The following XRN1 variants were observed in gnomAD, a reference collection of about 807,000 sequenced individuals.
XRN1 encodes the protein 5'-3' exoribonuclease 1.
In XRN1, 67 loss-of-function variants were observed where a neutral mutation model predicts 222.3. The ratio of observed to expected loss-of-function variants is 0.30; its 90% CI spans 0.25 to 0.37. The LOEUF (loss-of-function observed/expected upper bound fraction) is 0.37, where lower values mean the gene tolerates loss of function less well. Ranked by LOEUF, XRN1 falls within the 10% of genes least tolerant of loss-of-function variation. The pLI, the probability that XRN1 is intolerant of heterozygous loss-of-function variation, is 1.00. For synonymous variants in XRN1, 643 were observed against 652.4 expected (o/e 0.99, Z 0.22); for missense variants, 1,707 against 2,000.2 (o/e 0.85, Z 2.80).
intron 1 of XRN1, among the ~76,000 whole-genome samples, chr3:142,442,139 A>C (rs1424149472): frequency 6.6e-6 from 1 of 152,238 alleles, no homozygotes; most frequent in African/African-American, 2.4e-5. Context: ...TACAGACTCT[A>C]AATATGCTTA....
At chr3:142,318,543 TA>T in intron 39 of XRN1, 48 bp downstream of exon 39, 1 of 1,476,666 alleles carries the variant, frequency 6.8e-7, no homozygotes, top group Non-Finnish European at 9.3e-7. Context: ...AAGAGCTTAG[TA>T]AAAATAACAA....
chr3:142,351,803 T>C (rs1197114965), intron 32 of XRN1, among the ~76,000 whole-genome samples: 1 of 151,718 alleles, frequency 6.6e-6, no homozygotes, highest in Non-Finnish European at 1.5e-5. Context: ...TGCAACTTTC[T>C]AGGACAGATA....
rs1304873784 is a variant in XRN1 at position 142,422,740 on chromosome 3, G to A, written c.809C>T (p.Thr270Ile). ...YEFSVLKEKI[T>I]FKYDIERIID... is the part of the protein sequence containing the mutation. ...TATCCTTTCAATATCATATTTAAAT[G>A]TGATCTTTTCCTACAGTAAAATAGA... Residue 270 changes from threonine (T) to isoleucine (I), a missense_variant, in exon 8 of 41, where the codon ACA becomes ATA. By Grantham distance (89) the Thr-to-Ile change is moderately conservative. This residue lies in a region of XRN1 where 1,234 missense variants were observed against 1,518.2 expected (regional missense o/e 0.81). Coordinates refer to ENST00000392981, the MANE Select transcript of XRN1 (RefSeq NM_001282857.2). The A allele has an allele frequency of 6.2e-7, 1 of 1,609,566 alleles. No homozygotes were observed.
chr3:142,378,423 T>A (rs1012547783), intron 23 of XRN1, among the ~76,000 whole-genome samples: 1 of 152,172 alleles, frequency 6.6e-6, no homozygotes, highest in Non-Finnish European at 1.5e-5. Context: ...AATCCTAGAA[T>A]TATCTTCAGA....
intron 27 of XRN1, among the ~76,000 whole-genome samples, chr3:142,367,670 C>T (rs372349275): frequency 8.3e-4 from 126 of 151,986 alleles, no homozygotes; most frequent in African/African-American, 2.8e-3. Context: ...CTTGGCCTCC[C>T]GAGTAGCCAG....
intron 39 of XRN1, chr3:142,313,008 A>C (rs2065117749): frequency 3.6e-6 from 4 of 1,097,934 alleles, no homozygotes; most frequent in South Asian, 1.6e-5. Flanking sequence ...ACTACTACTA[A>C]TATCATATGC....
chr3:142,388,150 T>C (rs1295127203), intron 20 of XRN1, among the ~76,000 whole-genome samples: 2 of 152,306 alleles, frequency 1.3e-5, no homozygotes, highest in Middle Eastern at 6.8e-3. Context: ...TCCACTTACA[T>C]GCAGATTTTC....
chr3:142,355,369 A>ATTAATTGTCCATCAAAACAAG, intron 32 of XRN1, 32 bp downstream of exon 32: 1 of 1,211,930 alleles, frequency 8.3e-7, no homozygotes, highest in Admixed American at 2.6e-5. Context: ...TTTTCTTTAA[A>ATTAATTGTCCATCAAAACAAG]TTAATTGTCC....
intron 37 of XRN1, among the ~76,000 whole-genome samples, chr3:142,321,406 C>A (rs988410138): frequency 2.0e-5 from 3 of 152,182 alleles, no homozygotes; most frequent in Non-Finnish European, 4.4e-5. Flanking sequence ...CAGGCATGAG[C>A]CATTGCGCCC....
chr3:142,404,845 C>A, intron 16 of XRN1, 62 bp downstream of exon 16: 1 of 1,541,920 alleles, frequency 6.5e-7, no homozygotes, highest in African/African-American at 1.4e-5. Context: ...CCCTTCACCA[C>A]TTCTCGCACC....
Position 142,380,114 on chromosome 3 carries a change from G to T in XRN1, c.2683C>A (p.Pro895Thr). ...TTCTGTATTAAAGCATCAAGATTGG[G>T]TTCACATGGAATGCTGAAAATCACA... ...IRVIFSIPCEPNLDALIQNQH... is the reference protein window; with the variant it reads ...IRVIFSIPCETNLDALIQNQH... Residue 895 changes from proline to threonine, a missense_variant, in exon 23 of 41, where the codon CCC (proline) becomes ACC (threonine). Physicochemically the swap from Pro to Thr is conservative, Grantham distance 38. Around this residue, in one of 2 missense-constraint regions of XRN1, gnomAD observed 1,234 missense variants for 1,518.2 expected, o/e 0.81. Transcript: ENST00000392981. 1.2e-6 allele frequency: 2 copies of T among 1,613,832 alleles called. No homozygotes were observed. Among genetic ancestry groups the T allele is most frequent in the Non-Finnish European group, 1.7e-6 (2 of 1,179,900 alleles).
intron 29 of XRN1, among the ~76,000 whole-genome samples, chr3:142,360,338 T>C (rs1212087692): frequency 6.6e-6 from 1 of 152,186 alleles, no homozygotes. Flanking sequence ...TTTGTGAGAT[T>C]CACCCACGTA....
intron 30 of XRN1, among the ~76,000 whole-genome samples, chr3:142,357,839 C>T (rs1036068740): frequency 6.6e-6 from 1 of 152,034 alleles, no homozygotes; most frequent in Non-Finnish European, 1.5e-5. Context: ...AGTTCAAGAC[C>T]AGCCTGGCAA....
intron 22 of XRN1, among the ~76,000 whole-genome samples, chr3:142,381,708 A>G (rs577898247): frequency 1.3e-5 from 2 of 151,950 alleles, no homozygotes; most frequent in Admixed American, 1.3e-4. Context: ...CTGAGATTAC[A>G]TGCATATGCC....
Position 142,404,822 on chromosome 3 carries a change from T to C in XRN1, c.1883+85A>G, listed in dbSNP as rs547020269. On this transcript the variant is annotated intron_variant, in intron 16 of 40. Transcript: ENST00000392981. ...ACTATTTGCTAATTCTCCAAACAGA[T>C]ATTCAAAGCTCCCCCTTCACCACTT... 6 of 1,281,946 alleles carry C rather than the reference T, an allele frequency of 4.7e-6. No homozygotes were observed. The East Asian group carries it at 1.2e-4, about 25-fold the overall frequency. The allele number at this position is 1,281,946 out of a possible 1,614,324, so 79.4% of individuals were successfully genotyped here. A position where few individuals can be genotyped will look rare whatever the true frequency, so the allele number is the denominator to read the frequency against.
intron 29 of XRN1, among the ~76,000 whole-genome samples, chr3:142,363,286 T>C (rs2066708185): frequency 6.6e-6 from 1 of 152,150 alleles, no homozygotes; most frequent in African/African-American, 2.4e-5. Context: ...CACCATTTTT[T>C]TTCTTTTACA....
chr3:142,371,853 C>G (rs1390386250), intron 25 of XRN1, among the ~76,000 whole-genome samples: 1 of 152,040 alleles, frequency 6.6e-6, no homozygotes, highest in East Asian at 1.9e-4. Context: ...CCTAGAGAGA[C>G]AGATGAAAAA....
At chr3:142,422,777 A>G (rs1315442128) in intron 7 of XRN1, 27 bp from the exon 8 acceptor site, 1 of 1,605,686 alleles carries the variant, frequency 6.2e-7, no homozygotes, top group African/African-American at 1.3e-5. Context: ...AACAAAGTCA[A>G]ATCCAGTGAA....
Position 142,371,107 on chromosome 3 carries a change from G to T in XRN1, c.3068+132C>A. On this transcript the variant is annotated intron_variant, in intron 26 of 40. Transcript: ENST00000392981. ...GCCACATTTGAGCCACTGCATTCGG[G>T]CAAGAGAGTAAGAACCTGTCTCAAA... 3 of 751,534 alleles carry T rather than the reference G, an allele frequency of 4.0e-6. No individual in the cohort carries two copies. In the South Asian group the frequency reaches 5.2e-5, roughly 13 times the overall value. 46.6% of individuals were successfully genotyped at this position (751,534 alleles called of 1,614,324 possible).
Sources: gnomAD v4.1 joint callset for allele counts (sites outside exome capture counted in the v4.1 genomes callset) on GRCh38, gnomAD v4.1.1 for gene constraint, gnomAD v4.1.1 regional missense constraint, MANE v1.5 for transcripts, NCBI Gene and HGNC (gene_info 2026-07-23, HGNC 2026-07-21) for gene names.